MACROD2: variants seen among roughly 807,000 people sequenced by gnomAD.
MACROD2 encodes mono-ADP ribosylhydrolase 2, also known as ADP-ribose glycohydrolase MACROD2.
Under a neutral mutation model 70.4 loss-of-function variants are expected in MACROD2, and 36 were observed. The observed-to-expected ratio is 0.51, with a 90% CI of 0.39 to 0.68. The LOEUF is 0.68. Ranked by LOEUF, MACROD2 falls within the 30% of genes least tolerant of loss-of-function variation. MACROD2 has a pLI of 0.00. For missense variants in MACROD2, 496 were observed against 538.4 expected (o/e 0.92, Z 0.78); for synonymous variants, 172 against 178.8 (o/e 0.96, Z 0.30).
chr20:15,047,341 C>G (rs927459030), intron 5 of MACROD2, among the ~76,000 whole-genome samples: 2 of 152,132 alleles, frequency 1.3e-5, no homozygotes, highest in African/African-American at 4.8e-5. Flanking sequence ...CTGAGATGCT[C>G]AACTTCAGTG....
At chr20:15,302,777 A>T (rs965610890) in intron 6 of MACROD2, among the ~76,000 whole-genome samples, 9 of 152,224 alleles carry the variant, frequency 5.9e-5, no homozygotes, top group African/African-American at 2.2e-4. Flanking sequence ...GCAGTGTATG[A>T]GTAGCTCTTC....
intron 8 of MACROD2, among the ~76,000 whole-genome samples, chr20:15,851,522 T>C (rs1318726278): frequency 6.6e-6 from 1 of 152,076 alleles, no homozygotes; most frequent in Non-Finnish European, 1.5e-5. Flanking sequence ...CCTCTTCTGA[T>C]GAGAAAACTT....
At chr20:15,762,071 T>A (rs1037819468) in intron 8 of MACROD2, among the ~76,000 whole-genome samples, 2 of 152,178 alleles carry the variant, frequency 1.3e-5, no homozygotes, top group African/African-American at 2.4e-5. Flanking sequence ...AGAAATTGAG[T>A]ATGCCAATTT....
At chr20:15,096,169 T>G (rs2075830380) in intron 5 of MACROD2, among the ~76,000 whole-genome samples, 1 of 152,090 alleles carries the variant, frequency 6.6e-6, no homozygotes, top group African/African-American at 2.4e-5. Context: ...AGCTTGCCAG[T>G]AGCAGCAGCT....
At chr20:14,336,357 A>G (rs993571201) in intron 3 of MACROD2, among the ~76,000 whole-genome samples, 1 of 152,172 alleles carries the variant, frequency 6.6e-6, no homozygotes, top group African/African-American at 2.4e-5. Flanking sequence ...TAAATTCTAA[A>G]TAAAATAATA....
chr20:14,647,279 G>A (rs1600495975), intron 4 of MACROD2, among the ~76,000 whole-genome samples: 3 of 152,072 alleles, frequency 2.0e-5, no homozygotes, highest in South Asian at 2.1e-4. Context: ...GGATTTAGAC[G>A]AAGCTACCCA....
chr20:15,235,539 C>T (rs1216814599), intron 6 of MACROD2, among the ~76,000 whole-genome samples: 3 of 152,272 alleles, frequency 2.0e-5, no homozygotes, highest in African/African-American at 7.2e-5. Context: ...GGCATTGTGG[C>T]AATCAAGCAA....
intron 15 of MACROD2, among the ~76,000 whole-genome samples, chr20:16,030,029 A>G (rs2147578537): frequency 6.6e-6 from 1 of 152,304 alleles, no homozygotes; most frequent in East Asian, 1.9e-4. Flanking sequence ...CAGAGGGTTT[A>G]TCACCTGCTA....
At chr20:14,155,718 T>G (rs528011480) in intron 3 of MACROD2, among the ~76,000 whole-genome samples, 1 of 152,292 alleles carries the variant, frequency 6.6e-6, no homozygotes, top group South Asian at 2.1e-4. Context: ...GTGGTTAAAC[T>G]CATTTTAGAA....
intron 2 of MACROD2, among the ~76,000 whole-genome samples, chr20:14,042,126 G>A (rs1317646240): frequency 1.3e-5 from 2 of 152,192 alleles, no homozygotes; most frequent in Admixed American, 6.5e-5. Context: ...GGAAGATACA[G>A]TATTGAGAAA....
chr20:14,459,526 A>ATCTACCTAT (rs2084343676), intron 3 of MACROD2, among the ~76,000 whole-genome samples: 1 of 152,080 alleles, frequency 6.6e-6, no homozygotes, highest in African/African-American at 2.4e-5. Flanking sequence ...GTATGTATGT[A>ATCTACCTAT]GGTAGGTATC....
chr20:14,723,844 A>G (rs2071497624), intron 5 of MACROD2, among the ~76,000 whole-genome samples: 1 of 152,080 alleles, frequency 6.6e-6, no homozygotes, highest in Admixed American at 6.6e-5. Context: ...AAGAAACCTT[A>G]CTGAACATGA....
intron 3 of MACROD2, among the ~76,000 whole-genome samples, chr20:14,200,443 T>C (rs2081469972): frequency 6.6e-6 from 1 of 152,148 alleles, no homozygotes. Context: ...CTACGCTTAA[T>C]ACCTGGGTGA....
At chr20:15,356,544 A>T (rs772096995) in intron 6 of MACROD2, among the ~76,000 whole-genome samples, 2 of 152,184 alleles carry the variant, frequency 1.3e-5, no homozygotes, top group Non-Finnish European at 2.9e-5. Flanking sequence ...ACACTTTGGG[A>T]GGCTGAGGTG....
intron 6 of MACROD2, among the ~76,000 whole-genome samples, chr20:15,321,498 C>G (rs2077873331): frequency 6.9e-6 from 1 of 144,210 alleles, no homozygotes; most frequent in Admixed American, 7.0e-5. Context: ...TAAAATTTCT[C>G]TATTCCTACA....
chr20:15,808,244 C>G (rs772757341), intron 8 of MACROD2, among the ~76,000 whole-genome samples: 6 of 152,284 alleles, frequency 3.9e-5, no homozygotes, highest in Admixed American at 2.6e-4. Flanking sequence ...GGCTGTGGCT[C>G]TTCCTGCTAC....
intron 4 of MACROD2, among the ~76,000 whole-genome samples, chr20:14,586,834 C>T (rs1405559549): frequency 1.3e-5 from 2 of 151,984 alleles, no homozygotes; most frequent in Non-Finnish European, 2.9e-5. Flanking sequence ...CATATATCAA[C>T]TCTGGATTCA....
chr20:15,936,492 T>TAAA (rs2065663305), intron 11 of MACROD2, among the ~76,000 whole-genome samples: 1 of 148,064 alleles, frequency 6.8e-6, no homozygotes, highest in African/African-American at 2.5e-5. Flanking sequence ...TTTATACATA[T>TAAA]GAACTATATA....
intron 5 of MACROD2, among the ~76,000 whole-genome samples, chr20:15,129,890 C>G (rs1275304755): frequency 6.6e-6 from 1 of 151,954 alleles, no homozygotes; most frequent in Non-Finnish European, 1.5e-5. Flanking sequence ...CTCAGGTGGG[C>G]AGAGTTCATA....
Sources: allele counts gnomAD v4.1 joint callset (sites outside exome capture counted in the v4.1 genomes callset), GRCh38; gene constraint gnomAD v4.1.1; transcripts MANE v1.5; gene names NCBI Gene and HGNC (gene_info 2026-07-23, HGNC 2026-07-21).